Variants in CACNA2D3 observed in about 807,000 individuals in gnomAD.
CACNA2D3 encodes the protein voltage-dependent calcium channel subunit alpha-2/delta-3.
CACNA2D3 carries 60 observed loss-of-function variants against 160.6 expected under a neutral mutation model. That is an observed-to-expected ratio of 0.37 (90% CI 0.30 to 0.46). The LOEUF (loss-of-function observed/expected upper bound fraction) is 0.46, where lower values mean the gene tolerates loss of function less well. Among genes scored for constraint, CACNA2D3 ranks in the 20% least tolerant of loss-of-function variants. CACNA2D3 has a pLI of 1.00. For missense variants in CACNA2D3, 1,205 were observed against 1,365.0 expected, an observed-to-expected ratio of 0.88 and a Z score of 1.85; for synonymous variants, 558 against 492.9, an observed-to-expected ratio of 1.13 and a Z score of -1.75.
At chr3:54,757,800 TG>T (rs1454451068) in intron 12 of CACNA2D3, among the ~76,000 whole-genome samples, 1 of 152,184 alleles carries the variant, frequency 6.6e-6, no homozygotes, top group Non-Finnish European at 1.5e-5. Flanking sequence ...AGAAGGAAAC[TG>T]AGGCTGAGCA....
At chr3:55,035,547 C>T (rs184886056) in intron 35 of CACNA2D3, among the ~76,000 whole-genome samples, 51 of 152,252 alleles carry the variant, frequency 3.3e-4, no homozygotes, top group African/African-American at 1.2e-3. Flanking sequence ...TTCCAGAATG[C>T]GTATTTCAGT....
intron 2 of CACNA2D3, among the ~76,000 whole-genome samples, chr3:54,298,944 T>TAAAA (rs59100168): frequency 5.0e-5 from 5 of 99,330 alleles, no homozygotes; most frequent in East Asian, 2.9e-4. Context: ...CTCTGTTTCT[T>TAAAA]AAAAAAAAAA....
At chr3:54,598,662 TC>T (rs1221465317) in intron 9 of CACNA2D3, among the ~76,000 whole-genome samples, 2 of 152,188 alleles carry the variant, frequency 1.3e-5, no homozygotes, top group Non-Finnish European at 2.9e-5. Flanking sequence ...TACCAAGTCC[TC>T]TACCTTTCGA....
At chr3:54,628,623 G>C (rs1575392439) in intron 10 of CACNA2D3, among the ~76,000 whole-genome samples, 1 of 147,598 alleles carries the variant, frequency 6.8e-6, no homozygotes, top group Middle Eastern at 3.4e-3. Flanking sequence ...TGGTGACTTG[G>C]ACTAGGGAGA....
At chr3:54,481,324 C>T (rs1700928865) in intron 4 of CACNA2D3, among the ~76,000 whole-genome samples, 1 of 152,174 alleles carries the variant, frequency 6.6e-6, no homozygotes, top group Non-Finnish European at 1.5e-5. Context: ...GTTGTGTTTC[C>T]AGTGTGTTCC....
At chr3:54,802,464 G>A (rs1386441495) in intron 13 of CACNA2D3, among the ~76,000 whole-genome samples, 3 of 152,150 alleles carry the variant, frequency 2.0e-5, no homozygotes, top group Non-Finnish European at 4.4e-5. Context: ...AATCTTTTGA[G>A]GAAATTACTC....
intron 3 of CACNA2D3, among the ~76,000 whole-genome samples, chr3:54,379,912 T>G (rs975769311): frequency 2.0e-5 from 3 of 152,158 alleles, no homozygotes; most frequent in African/African-American, 7.2e-5. Context: ...CTTACGTTTT[T>G]TTCATGGATC....
chr3:54,706,880 C>G (rs1399621505), intron 11 of CACNA2D3, among the ~76,000 whole-genome samples: 3 of 152,212 alleles, frequency 2.0e-5, no homozygotes, highest in Non-Finnish European at 4.4e-5. Flanking sequence ...GGTTGGGAAA[C>G]TTTCCATCAG....
rs370696763 is a variant in CACNA2D3 at position 54,390,494 on chromosome 3, G to T, written c.381+3720G>T. 2.0e-5 allele frequency among the ~76,000 whole-genome samples: 3 copies of T among 152,220 alleles called. No homozygotes were observed. In the East Asian group the frequency reaches 5.8e-4, roughly 29 times the overall value. On this transcript the variant is annotated intron_variant, in intron 4 of 37. Transcript: ENST00000474759. ...CTGGACATGTACAACAAAAGCATCA[G>T]AGGGTACCATTGTGGTCTGAACATA...
intron 33 of CACNA2D3, 69 bp downstream of exon 33, chr3:55,007,911 A>G (rs1703130943): frequency 1.9e-6 from 2 of 1,079,996 alleles, no homozygotes; most frequent in Admixed American, 6.4e-5. Flanking sequence ...AAAGTGATCT[A>G]AGAGATTGTG....
chr3:54,747,037 A>C (rs1701763552), intron 11 of CACNA2D3, among the ~76,000 whole-genome samples: 1 of 152,256 alleles, frequency 6.6e-6, no homozygotes, highest in Non-Finnish European at 1.5e-5. Flanking sequence ...TAAACTCCTT[A>C]AAGTTTTGCC....
chr3:54,720,362 A>G (rs1701146807), intron 11 of CACNA2D3, among the ~76,000 whole-genome samples: 1 of 151,942 alleles, frequency 6.6e-6, no homozygotes, highest in Non-Finnish European at 1.5e-5. Context: ...TGTGAACTTT[A>G]TTTAAAGTGT....
chr3:54,883,826 C>CTCTCTCTCTCTCTCTCTCTCTCCTA, intron 21 of CACNA2D3, among the ~76,000 whole-genome samples: 1 of 146,274 alleles, frequency 6.8e-6, no homozygotes, highest in Non-Finnish European at 1.5e-5. Context: ...TCTCTCTCCT[C>CTCTCTCTCTCTCTCTCTCTCTCCTA]TCTCTCCCTT....
At chr3:54,873,661 T>G (rs565103542) in intron 18 of CACNA2D3, among the ~76,000 whole-genome samples, 1 of 152,356 alleles carries the variant, frequency 6.6e-6, no homozygotes, top group African/African-American at 2.4e-5. Flanking sequence ...GCGTTCTGTC[T>G]GTCCAACTTC....
At chr3:54,434,220 T>C (rs2106779976) in intron 4 of CACNA2D3, among the ~76,000 whole-genome samples, 1 of 152,232 alleles carries the variant, frequency 6.6e-6, no homozygotes, top group African/African-American at 2.4e-5. Flanking sequence ...AAGTTGGGGG[T>C]AGTCAGCTTT....
intron 2 of CACNA2D3, among the ~76,000 whole-genome samples, chr3:54,221,173 A>G (rs1454150846): frequency 1.3e-5 from 2 of 152,214 alleles, no homozygotes; most frequent in Non-Finnish European, 2.9e-5. Flanking sequence ...CACCTGTGGC[A>G]GGCATTTTGT....
At position 54,122,798 on chromosome 3, in the gene CACNA2D3, G is replaced by C; in HGVS notation, c.85G>C (p.Asp29His). The C allele has an allele frequency of 1.6e-6, 2 of 1,232,294 alleles. No homozygotes were observed. Among genetic ancestry groups the C allele is most frequent in the Non-Finnish European group, 2.0e-6 (2 of 982,784 alleles). 76.3% of individuals were successfully genotyped at this position (1,232,294 alleles called of 1,614,324 possible). ...AAALLYAALG[D>H]VVRSEQQIPL... ...CGCGCTTCTCTACGCCGCGCTGGGG[G>C]ACGTGGTGCGCTCGGAGCAGCAGAT... Residue 29 changes from aspartate (D) to histidine (H), a missense_variant, in exon 1 of 38, where the codon GAC becomes CAC. By Grantham distance (81) the Asp-to-His change is moderately conservative. Transcript: ENST00000474759.
chr3:54,470,311 A>G (rs6762904), intron 4 of CACNA2D3, among the ~76,000 whole-genome samples: 70,959 of 151,994 alleles, frequency 0.47, 17,259 homozygotes, highest in Non-Finnish European at 0.54. Context: ...TCAACCCAGA[A>G]TTTCATATCC....
intron 9 of CACNA2D3, among the ~76,000 whole-genome samples, chr3:54,603,228 T>C (rs1703097597): frequency 6.6e-6 from 1 of 152,142 alleles, no homozygotes; most frequent in African/African-American, 2.4e-5. Flanking sequence ...AGTGTGAGGC[T>C]CCACAGAAGA....
Sources: allele counts gnomAD v4.1 joint callset (sites outside exome capture counted in the v4.1 genomes callset), GRCh38; gene constraint gnomAD v4.1.1; transcripts MANE v1.5; gene names NCBI Gene and HGNC (gene_info 2026-07-23, HGNC 2026-07-21).